Variants in DIAPH1 observed in about 807,000 individuals in gnomAD.
DIAPH1 encodes the protein protein diaphanous homolog 1.
In DIAPH1, 46 loss-of-function variants were observed where a neutral mutation model predicts 140.7. The ratio of observed to expected loss-of-function variants is 0.33; its 90% CI spans 0.26 to 0.42. The LOEUF is 0.42. Among genes scored for constraint, DIAPH1 ranks in the 10% least tolerant of loss-of-function variants. The pLI is 1.00. For missense variants in DIAPH1, 1,310 were observed against 1,558.7 expected (o/e 0.84, Z 2.69); for synonymous variants, 565 against 551.6 (o/e 1.02, Z -0.34).
chr5:141,531,943 A>C (rs1198962801), intron 19 of DIAPH1, among the ~76,000 whole-genome samples: 1 of 152,214 alleles, frequency 6.6e-6, no homozygotes, highest in Non-Finnish European at 1.5e-5. Flanking sequence ...TCACTGCCAA[A>C]GCAGCCTTCC....
At chr5:141,583,957 TG>T (rs2099897168) in intron 4 of DIAPH1, among the ~76,000 whole-genome samples, 166 bp downstream of exon 4, 1 of 152,080 alleles carries the variant, frequency 6.6e-6, no homozygotes, top group Non-Finnish European at 1.5e-5. Context: ...GCAAAATGTA[TG>T]TAAGAACGGT....
chr5:141,525,587 A>T (rs1371979940), intron 26 of DIAPH1, among the ~76,000 whole-genome samples: 1 of 152,166 alleles, frequency 6.6e-6, no homozygotes, highest in African/African-American at 2.4e-5. Context: ...TGTGCATACA[A>T]CTGTGCTAAG....
chr5:141,608,672 G>A (rs1242856041), intron 1 of DIAPH1, among the ~76,000 whole-genome samples: 1 of 152,104 alleles, frequency 6.6e-6, no homozygotes, highest in African/African-American at 2.4e-5. Context: ...CCAGTTCCAG[G>A]TACTTGGACC....
intron 19 of DIAPH1, 91 bp from the exon 20 acceptor site, chr5:141,529,788 A>C: frequency 1.7e-6 from 2 of 1,184,498 alleles, no homozygotes; most frequent in Non-Finnish European, 2.5e-6. Flanking sequence ...AATCTTCCTA[A>C]CAGGGCTCTT....
chr5:141,598,870 G>C (rs989064504), intron 1 of DIAPH1, among the ~76,000 whole-genome samples: 1 of 152,184 alleles, frequency 6.6e-6, no homozygotes, highest in Non-Finnish European at 1.5e-5. Context: ...GTGGTTGTGT[G>C]TATTAATACT....
intron 18 of DIAPH1, among the ~76,000 whole-genome samples, chr5:141,561,366 T>G (rs76039919): frequency 2.5e-4 from 37 of 148,364 alleles, no homozygotes; most frequent in African/African-American, 8.3e-4. Context: ...AGAGTTTTGT[T>G]TTTTTTTTTT....
At chr5:141,540,446 T>A (rs1479723879) in intron 18 of DIAPH1, among the ~76,000 whole-genome samples, 1 of 152,028 alleles carries the variant, frequency 6.6e-6, no homozygotes, top group Non-Finnish European at 1.5e-5. Context: ...CACGCCCAGC[T>A]AATTTTTATA....
intron 8 of DIAPH1, 82 bp downstream of exon 8, chr5:141,580,662 C>G: frequency 6.9e-7 from 1 of 1,440,694 alleles, no homozygotes; most frequent in Non-Finnish European, 9.8e-7. Context: ...CGAGAGGACA[C>G]CCAACCAACT....
intron 4 of DIAPH1, among the ~76,000 whole-genome samples, chr5:141,583,871 T>C (rs950864558): frequency 1.3e-5 from 2 of 152,122 alleles, no homozygotes; most frequent in African/African-American, 4.8e-5. Flanking sequence ...CCATCTCACA[T>C]ACCACCAACA....
chr5:141,588,540 TATAAG>T (rs1181157505), intron 1 of DIAPH1, among the ~76,000 whole-genome samples: 4 of 151,430 alleles, frequency 2.6e-5, no homozygotes, highest in Non-Finnish European at 5.9e-5. Context: ...CCGATACACT[TATAAG>T]ATATGCTCAA....
chr5:141,546,780 G>T (rs2099890866), intron 18 of DIAPH1, among the ~76,000 whole-genome samples: 1 of 152,228 alleles, frequency 6.6e-6, no homozygotes, highest in Non-Finnish European at 1.5e-5. Context: ...CTAGGAACAG[G>T]GTGAAAGAGG....
chr5:141,527,698 C>CCA lies in DIAPH1; in HGVS notation c.3149-2_3149-1insTG. 1 of 371,292 alleles carries CCA rather than the reference C, an allele frequency of 2.7e-6. No individual in the cohort carries two copies. Among genetic ancestry groups the CCA allele is most frequent in the Admixed American group, 9.5e-5 (1 of 10,582 alleles). The allele number at this position is 371,292 out of a possible 1,614,324, so 23.0% of individuals were successfully genotyped here. ...TTCTTTTGCAAGTTTTCAGCAGAAACTAAAAAAAAAAAAAAAAAAAAAAAC... is the reference window on the plus strand; with the variant it reads ...TTCTTTTGCAAGTTTTCAGCAGAAACCATAAAAAAAAAAAAAAAAAAAAAAAC... On this transcript the variant is annotated splice_acceptor_variant, in intron 23 of 27. Transcript: ENST00000389054. LOFTEE classifies it high-confidence loss of function.
chr5:141,538,573 C>T (rs1025287433), intron 18 of DIAPH1, among the ~76,000 whole-genome samples: 4 of 152,084 alleles, frequency 2.6e-5, no homozygotes, highest in East Asian at 1.9e-4. Context: ...ACTGGGATTA[C>T]GGGAACCCAC....
chr5:141,612,514 C>T (rs1284775721), intron 1 of DIAPH1, among the ~76,000 whole-genome samples: 2 of 152,172 alleles, frequency 1.3e-5, no homozygotes, highest in Admixed American at 1.3e-4. Flanking sequence ...CCACACATCA[C>T]AATAAAAGAA....
rs2099896879 is a variant in DIAPH1 at position 141,582,180 on chromosome 5, A to C, written c.684+132T>G. The C allele has an allele frequency of 4.1e-6, 3 of 725,490 alleles. No individual in the cohort carries two copies. The South Asian group carries it at 4.6e-5, about 11-fold the overall frequency. The allele number at this position is 725,490 out of a possible 1,614,324, so 44.9% of individuals were successfully genotyped here. The stretch of plus-strand genomic sequence containing the variant: ...AAGCATGTATATGTGGCAATGAAAA[A>C]CAGTTATGATACTAAAAGAGAAAGC... On this transcript the variant is annotated intron_variant, in intron 7 of 27. Coordinates refer to ENST00000389054, the MANE Select transcript of DIAPH1 (RefSeq NM_005219.5).
At chr5:141,573,446 A>C (rs1037114669) in intron 16 of DIAPH1, 46 bp downstream of exon 16, 1 of 1,588,324 alleles carries the variant, frequency 6.3e-7, no homozygotes, top group East Asian at 2.3e-5. Flanking sequence ...AAAAAAAAAA[A>C]AAAAAAAAAA....
chr5:141,572,612 C>A (rs2099895353), intron 16 of DIAPH1, among the ~76,000 whole-genome samples: 2 of 151,912 alleles, frequency 1.3e-5, no homozygotes, highest in African/African-American at 4.8e-5. Context: ...GCAGCCAGAC[C>A]AACATGGTGA....
At chr5:141,572,292 C>T (rs1160775452) in intron 16 of DIAPH1, among the ~76,000 whole-genome samples, 1 of 152,200 alleles carries the variant, frequency 6.6e-6, no homozygotes, top group East Asian at 1.9e-4. Flanking sequence ...ACTCCAAATC[C>T]TCTAGCTTCA....
At chr5:141,535,419 G>A (rs1044145245) in intron 18 of DIAPH1, among the ~76,000 whole-genome samples, 3 of 152,080 alleles carry the variant, frequency 2.0e-5, no homozygotes, top group Non-Finnish European at 4.4e-5. Flanking sequence ...CTCACTCTCT[G>A]CTTTGATAAA....
Sources: allele counts gnomAD v4.1 joint callset (sites outside exome capture counted in the v4.1 genomes callset), GRCh38; gene constraint gnomAD v4.1.1; transcripts MANE v1.5; gene names NCBI Gene and HGNC (gene_info 2026-07-23, HGNC 2026-07-21).